ECPAS: variants seen among roughly 807,000 people sequenced by gnomAD.
ECPAS encodes the protein proteasome adapter and scaffold protein ECM29.
Under a neutral mutation model 255.1 loss-of-function variants are expected in ECPAS, and 70 were observed. The observed-to-expected ratio is 0.27, with a 90% CI of 0.23 to 0.33. The LOEUF is 0.33. Among genes scored for constraint, ECPAS ranks in the 10% least tolerant of loss-of-function variants. The probability of loss-of-function intolerance (pLI) is 1.00; values close to 1 mark genes in which losing one functional copy is unlikely to be tolerated. For synonymous variants in ECPAS, 784 were observed against 775.0 expected (o/e 1.01, Z -0.19); for missense variants, 1,817 against 2,206.4 (o/e 0.82, Z 3.54).
At chr9:111,392,932 A>G (rs2098162386) in intron 27 of ECPAS, 50 bp from the exon 28 acceptor site, 6 of 1,317,432 alleles carry the variant, frequency 4.6e-6, no homozygotes, top group Non-Finnish European at 6.4e-6. Flanking sequence ...AATTTTGTCT[A>G]CTTGCTATGA....
intron 47 of ECPAS, 62 bp downstream of exon 47, chr9:111,366,460 G>T: frequency 7.4e-7 from 1 of 1,351,610 alleles, no homozygotes; most frequent in Non-Finnish European, 1.0e-6. Context: ...AAATTCCATT[G>T]ATTATACATA....
chr9:111,470,914 G>C (rs1589237758), intron 2 of ECPAS, among the ~76,000 whole-genome samples: 1 of 152,244 alleles, frequency 6.6e-6, no homozygotes, highest in Middle Eastern at 3.4e-3. Flanking sequence ...CTTTCCCCCA[G>C]AGACAGCAGC....
intron 48 of ECPAS, among the ~76,000 whole-genome samples, chr9:111,365,299 T>TCAA (rs1451327101): frequency 6.7e-6 from 1 of 149,004 alleles, no homozygotes; most frequent in Non-Finnish European, 1.5e-5. Context: ...ATCATCATCA[T>TCAA]CATCATCATC....
In ECPAS at chr9:111,483,590, G is replaced by A. The variant is rs1030100937; in HGVS notation, c.-83+526C>T. ...GGGAGGGGCTGGGGGGGCAGGGCGC[G>A]GCCGGGGGGCTCGCGGCTCGCGGTG... is the stretch of plus-strand genomic sequence containing the variant. On this transcript the variant is annotated intron_variant, in intron 1 of 49. Coordinates refer to ENST00000684092, the MANE Select transcript of ECPAS (RefSeq NM_001364929.1). 7.8e-6 allele frequency: 4 copies of A among 514,130 alleles called. No individual in the cohort carries two copies. In the African/African-American group the frequency reaches 8.5e-5, roughly 11 times the overall value. The allele number at this position is 514,130 out of a possible 1,614,324, so 31.8% of individuals were successfully genotyped here.
intron 12 of ECPAS, 108 bp downstream of exon 12, chr9:111,425,310 G>T: frequency 1.4e-6 from 1 of 690,550 alleles, no homozygotes; most frequent in Non-Finnish European, 2.2e-6. Context: ...TTAAGGAACA[G>T]TGAAACTTTA....
intron 8 of ECPAS, among the ~76,000 whole-genome samples, chr9:111,431,119 T>C (rs2131845057): frequency 6.6e-6 from 1 of 152,332 alleles, no homozygotes; most frequent in East Asian, 1.9e-4. Context: ...CGTATTTCTC[T>C]AACGTCACTG....
chr9:111,424,782 T>C (rs765137282), intron 12 of ECPAS, among the ~76,000 whole-genome samples: 57 of 152,332 alleles, frequency 3.7e-4, no homozygotes, highest in Non-Finnish European at 7.4e-4. Flanking sequence ...AATAGTCACA[T>C]AGGGAAATCA....
chr9:111,484,124 G>A lies in ECPAS; in HGVS notation c.-91C>T. 6.9e-7 allele frequency: 1 copy of A among 1,453,824 alleles called. No individual in the cohort carries two copies. The highest frequency in any genetic ancestry group is 9.0e-7 in the Non-Finnish European group (1 of 1,105,466). 90.1% of individuals were successfully genotyped at this position (1,453,824 alleles called of 1,614,324 possible). On this transcript the variant is annotated 5_prime_UTR_variant, in exon 1 of 50. Transcript: ENST00000684092. ...GGGGGCGGGCCTCTGACCTGAGTCG[G>A]AGCCGGTCTCCATGCCGCGGACGCT... is the stretch of plus-strand genomic sequence containing the variant.
intron 2 of ECPAS, among the ~76,000 whole-genome samples, chr9:111,455,697 A>G (rs1415864025): frequency 1.3e-5 from 2 of 152,216 alleles, no homozygotes; most frequent in Admixed American, 6.5e-5. Flanking sequence ...AGGTACCAAC[A>G]TGACCAGCCC....
chr9:111,406,819 T>C (rs2098184658), intron 24 of ECPAS, among the ~76,000 whole-genome samples: 1 of 148,840 alleles, frequency 6.7e-6, no homozygotes, highest in African/African-American at 2.6e-5. Flanking sequence ...GGGAGGATGG[T>C]TTGAGCCTGG....
intron 7 of ECPAS, among the ~76,000 whole-genome samples, chr9:111,433,727 C>T (rs1005853141): frequency 2.0e-5 from 3 of 152,114 alleles, no homozygotes; most frequent in African/African-American, 7.2e-5. Context: ...GTTACACAGC[C>T]TCTCTAGAGT....
chr9:111,409,970 A>T, intron 23 of ECPAS, 71 bp downstream of exon 23: 1 of 1,087,078 alleles, frequency 9.2e-7, no homozygotes, highest in Non-Finnish European at 1.3e-6. Context: ...TTCTCATTAT[A>T]ATCTGTTTTT....
At chr9:111,423,034 A>T (rs1033520728) in intron 13 of ECPAS, among the ~76,000 whole-genome samples, 165 bp downstream of exon 13, 1 of 152,210 alleles carries the variant, frequency 6.6e-6, no homozygotes, top group South Asian at 2.1e-4. Context: ...AAAATGTCTC[A>T]CATCTTTTTC....
At chr9:111,458,973 G>T (rs2098270123) in intron 2 of ECPAS, among the ~76,000 whole-genome samples, 2 of 152,012 alleles carry the variant, frequency 1.3e-5, no homozygotes, top group African/African-American at 4.8e-5. Flanking sequence ...TAAACCTGAG[G>T]GGGTCCATGG....
At chr9:111,368,573 G>C (rs146151541) in intron 46 of ECPAS, among the ~76,000 whole-genome samples, 76 of 152,232 alleles carry the variant, frequency 5.0e-4, no homozygotes, top group African/African-American at 1.8e-3. Context: ...TTAAATAGAA[G>C]ACAGAGCCTT....
At position 111,472,902 on chromosome 9, in the gene ECPAS, C is replaced by A. The variant is rs1278088283; in HGVS notation, c.17G>T (p.Cys6Phe). The A allele has an allele frequency of 8.2e-7, 1 of 1,224,176 alleles. No homozygotes were observed. Among genetic ancestry groups the A allele is most frequent in the Non-Finnish European group, 1.1e-6 (1 of 944,952 alleles). 75.8% of individuals were successfully genotyped at this position (1,224,176 alleles called of 1,614,324 possible). The change falls in exon 2 of 50, where the codon TGT becomes TTT. Residue 6 changes from cysteine to phenylalanine, a missense_variant. Physicochemically the swap from Cys to Phe is radical, Grantham distance 205. Around this residue, in one of 4 missense-constraint regions of ECPAS, gnomAD observed 90 missense variants for 158.5 expected, o/e 0.57. Transcript: ENST00000684092. MYHID[C>F]RDQLERVFLR... ...AAGGAACTAAATCTACTAACCTCTA[C>A]AATCAATGTGATACATGGTTTATCC...
chr9:111,391,218 G>A (rs1451793547), intron 29 of ECPAS, among the ~76,000 whole-genome samples: 2 of 151,974 alleles, frequency 1.3e-5, no homozygotes, highest in South Asian at 4.1e-4. Flanking sequence ...GACCCCTAGG[G>A]CACTCCCCAG....
intron 24 of ECPAS, among the ~76,000 whole-genome samples, chr9:111,399,758 A>G (rs1257399439): frequency 6.6e-6 from 1 of 152,242 alleles, no homozygotes; most frequent in African/African-American, 2.4e-5. Flanking sequence ...CACTTCCAGG[A>G]TGCTGCTGTG....
At chr9:111,418,394 T>G (rs1310907010) in intron 16 of ECPAS, among the ~76,000 whole-genome samples, 1 of 152,058 alleles carries the variant, frequency 6.6e-6, no homozygotes, top group Non-Finnish European at 1.5e-5. Flanking sequence ...AAGTCTTACA[T>G]CTCTATGTAT....
Sources: gnomAD v4.1 joint callset for allele counts (sites outside exome capture counted in the v4.1 genomes callset) on GRCh38, gnomAD v4.1.1 for gene constraint, gnomAD v4.1.1 regional missense constraint, MANE v1.5 for transcripts, NCBI Gene and HGNC (gene_info 2026-07-23, HGNC 2026-07-21) for gene names.